The following DCDC2C variants were observed in gnomAD, a reference collection of about 807,000 sequenced individuals.
DCDC2C encodes doublecortin domain-containing protein 2C.
Under a neutral mutation model 45.0 loss-of-function variants are expected in DCDC2C, and 44 were observed. The ratio of observed to expected loss-of-function variants is 0.98; its 90% CI spans 0.77 to 1.26. DCDC2C has a LOEUF of 1.26. Among genes scored for constraint, DCDC2C ranks in the 50% most tolerant of loss-of-function variants. DCDC2C has a pLI of 0.00. For synonymous variants in DCDC2C, 187 were observed against 178.8 expected (o/e 1.05, Z -0.37); for missense variants, 447 against 468.9 (o/e 0.95, Z 0.43).
chr2:3,759,806 TATC>T (rs1353749773), intron 6 of DCDC2C, among the ~76,000 whole-genome samples: 2 of 152,248 alleles, frequency 1.3e-5, no homozygotes, highest in Non-Finnish European at 2.9e-5. Flanking sequence ...TGTCTGGGAT[TATC>T]ATTGTGGATT....
intron 10 of DCDC2C, among the ~76,000 whole-genome samples, chr2:3,838,258 C>T (rs1347279832): frequency 2.0e-5 from 3 of 151,492 alleles, no homozygotes; most frequent in Admixed American, 6.6e-5. Context: ...AGAATTGGAG[C>T]GGGGCATTAG....
chr2:3,785,552 G>C (rs73910372), intron 10 of DCDC2C, among the ~76,000 whole-genome samples: 20,715 of 152,048 alleles, frequency 0.14, 1,541 homozygotes, highest in East Asian at 0.28. Flanking sequence ...GCAAGGGAGT[G>C]GGGGGCTCAC....
chr2:3,770,235 TC>T (rs1670127664), intron 8 of DCDC2C, among the ~76,000 whole-genome samples: 1 of 152,220 alleles, frequency 6.6e-6, no homozygotes, highest in Non-Finnish European at 1.5e-5. Context: ...CCATTTTTAT[TC>T]CTCTAAAATA....
At position 3,717,445 on chromosome 2, in the gene DCDC2C, G is replaced by T. The variant is rs542502231; in HGVS notation, c.339+8845G>T. On this transcript the variant is annotated intron_variant, in intron 2 of 10. Transcript: ENST00000399143. ...CTCAACCCTTCACTCTCCCAGAAAC[G>T]CCCCCAGTCCCTCCCTGCCCACCCA... 1.6e-4 allele frequency among the ~76,000 whole-genome samples: 25 copies of T among 151,964 alleles called. No homozygotes were observed. The East Asian group carries it at 3.3e-3, about 20-fold the overall frequency.
At chr2:3,725,551 T>TG (rs1668634199) in intron 2 of DCDC2C, among the ~76,000 whole-genome samples, 1 of 134,218 alleles carries the variant, frequency 7.5e-6, no homozygotes, top group African/African-American at 2.8e-5. Flanking sequence ...GGGAGGAGGC[T>TG]GCCCGGTGGA....
Position 3,727,005 on chromosome 2 carries a change from C to A in DCDC2C, c.342C>A (p.Ile114=). The change falls in exon 3 of 11, where the codon ATC becomes ATA. Residue 114 remains isoleucine, a splice_region_variant and synonymous_variant. Coordinates refer to ENST00000399143, the MANE Select transcript of DCDC2C (RefSeq NM_001287444.2). ...KPAKIRKLKE[I]KPVVHCDINV... ...AGGTGTGTTTTTTCCTTTTTCAGATCAAACCAGTGGTGCATTGTGATATAA... is the reference window on the plus strand; with the variant it reads ...AGGTGTGTTTTTTCCTTTTTCAGATAAAACCAGTGGTGCATTGTGATATAA... The A allele has an allele frequency of 1.3e-6, 2 of 1,550,304 alleles. No individual in the cohort carries two copies. The highest frequency in any genetic ancestry group is 1.7e-6 in the Non-Finnish European group (2 of 1,146,874).
chr2:3,739,710 C>A (rs1350040071), intron 3 of DCDC2C, among the ~76,000 whole-genome samples: 2 of 152,244 alleles, frequency 1.3e-5, no homozygotes, highest in Non-Finnish European at 2.9e-5. Flanking sequence ...ATTCTCCAAG[C>A]CCACATGTGA....
At chr2:3,757,475 C>T (rs1206665071) in intron 6 of DCDC2C, among the ~76,000 whole-genome samples, 2 of 152,048 alleles carry the variant, frequency 1.3e-5, no homozygotes, top group Non-Finnish European at 2.9e-5. Context: ...AAAAAAAGTA[C>T]CTAGAATACA....
intron 10 of DCDC2C, among the ~76,000 whole-genome samples, chr2:3,831,051 G>A (rs1671939023): frequency 6.6e-6 from 1 of 151,996 alleles, no homozygotes; most frequent in Non-Finnish European, 1.5e-5. Context: ...TTTACTTGGC[G>A]ACTTTCCTCA....
intron 2 of DCDC2C, among the ~76,000 whole-genome samples, chr2:3,714,320 G>A (rs1297507539): frequency 6.6e-6 from 1 of 152,200 alleles, no homozygotes; most frequent in Non-Finnish European, 1.5e-5. Flanking sequence ...TGCTCTTGGG[G>A]TCTTGGCTTT....
chr2:3,744,428 C>T (rs1007405583), intron 4 of DCDC2C, among the ~76,000 whole-genome samples: 1 of 152,166 alleles, frequency 6.6e-6, no homozygotes, highest in African/African-American at 2.4e-5. Flanking sequence ...GTCGAGACAT[C>T]CACCTGGGGA....
At chr2:3,727,169 C>A (rs1353450894) in intron 3 of DCDC2C, 90 bp downstream of exon 3, 4 of 1,036,106 alleles carry the variant, frequency 3.9e-6, no homozygotes, top group Non-Finnish European at 5.8e-6. Flanking sequence ...CCCTCAGCCC[C>A]CTTTCTGTCC....
chr2:3,825,821 C>T (rs147203409), intron 10 of DCDC2C, among the ~76,000 whole-genome samples: 81 of 152,240 alleles, frequency 5.3e-4, no homozygotes, highest in African/African-American at 1.8e-3. Flanking sequence ...AGGGTTAGCC[C>T]GGCTCTCGTG....
chr2:3,756,002 G>T (rs928860404), intron 6 of DCDC2C, among the ~76,000 whole-genome samples: 10 of 151,952 alleles, frequency 6.6e-5, no homozygotes, highest in African/African-American at 2.4e-4. Flanking sequence ...GGAAACATTT[G>T]TGTGTGTAGA....
chr2:3,805,371 C>T (rs909121381), intron 10 of DCDC2C, among the ~76,000 whole-genome samples: 1 of 152,114 alleles, frequency 6.6e-6, no homozygotes, highest in African/African-American at 2.4e-5. Flanking sequence ...GGATTGACAG[C>T]GGATAGGAGG....
At chr2:3,739,955 T>C (rs1438175722) in intron 3 of DCDC2C, among the ~76,000 whole-genome samples, 1 of 151,674 alleles carries the variant, frequency 6.6e-6, no homozygotes, top group African/African-American at 2.4e-5. Flanking sequence ...TCCCCTAGAG[T>C]TTTGAGCAGT....
At chr2:3,839,277 G>A (rs182543775) in intron 10 of DCDC2C, among the ~76,000 whole-genome samples, 6 of 152,036 alleles carry the variant, frequency 3.9e-5, no homozygotes, top group African/African-American at 1.4e-4. Flanking sequence ...TCTATCTCCG[G>A]GTTTCTAACT....
chr2:3,721,129 A>G (rs558368218), intron 2 of DCDC2C, among the ~76,000 whole-genome samples: 2 of 152,030 alleles, frequency 1.3e-5, no homozygotes, highest in South Asian at 2.1e-4. Context: ...TGTGTCTTCT[A>G]TTTTTCCTAT....
rs555717579 is a variant in DCDC2C, at chr2:3,794,174, T to C, written c.1065+9074T>C. ...TGATGCATTGGTCATTTGGAAAATA[T>C]TGGTTCATTGAGTTATGCAAATGTT... On this transcript the variant is annotated intron_variant, in intron 10 of 10. Coordinates refer to ENST00000399143, the MANE Select transcript of DCDC2C (RefSeq NM_001287444.2). Among the ~76,000 whole-genome samples, 10 of 152,296 alleles carry C rather than the reference T, an allele frequency of 6.6e-5. No individual in the cohort carries two copies. The South Asian group carries it at 2.1e-3, about 32-fold the overall frequency.
Sources: allele counts gnomAD v4.1 joint callset (sites outside exome capture counted in the v4.1 genomes callset), GRCh38; gene constraint gnomAD v4.1.1; transcripts MANE v1.5; gene names NCBI Gene and HGNC (gene_info 2026-07-23, HGNC 2026-07-21).